Variants in SLC25A37 observed in about 807,000 individuals in gnomAD.
The protein encoded by SLC25A37 is solute carrier family 25 member 37.
SLC25A37 carries 17 observed loss-of-function variants against 31.0 expected under a neutral mutation model. The ratio of observed to expected loss-of-function variants is 0.55; its 90% confidence interval spans 0.38 to 0.82. SLC25A37 has a LOEUF of 0.82. SLC25A37 is among the 40% of genes least tolerant of loss of function. SLC25A37 has a pLI of 0.00. For synonymous variants in SLC25A37, 222 were observed against 193.0 expected (o/e 1.15, Z -1.24); for missense variants, 404 against 465.8 (o/e 0.87, Z 1.22).
intron 1 of SLC25A37, among the ~76,000 whole-genome samples, chr8:23,538,118 C>T (rs1211799840): frequency 6.6e-6 from 1 of 151,060 alleles, no homozygotes; most frequent in Non-Finnish European, 1.5e-5. Context: ...TGGTGGCTCA[C>T]ACCTATAATC....
Position 23,566,773 on chromosome 8 carries a change from A to G in SLC25A37, c.439+437A>G, listed in dbSNP as rs951433989. The G allele has an allele frequency of 3.1e-5, 31 of 991,362 alleles. No homozygotes were observed. The African/African-American group carries it at 5.2e-4, about 17-fold the overall frequency. 61.4% of individuals were successfully genotyped at this position (991,362 alleles called of 1,614,324 possible). A position where few individuals can be genotyped will look rare whatever the true frequency, so the allele number is the denominator to read the frequency against. On this transcript the variant is annotated intron_variant, in intron 2 of 3. Coordinates refer to ENST00000519973, the MANE Select transcript of SLC25A37 (RefSeq NM_016612.4). ...TTGAGACTATTTAAAAACTGGTACA[A>G]CAGGTCTCTACAACGCCAAGATCTA...
At chr8:23,534,630 C>A (rs929526834) in intron 1 of SLC25A37, among the ~76,000 whole-genome samples, 1 of 152,184 alleles carries the variant, frequency 6.6e-6, no homozygotes, top group South Asian at 2.1e-4. Flanking sequence ...GGAGCATGGA[C>A]CCTTGAGTCC....
chr8:23,565,985 C>T (rs559835038), intron 1 of SLC25A37, 123 bp from the exon 2 acceptor site: 31 of 1,347,396 alleles, frequency 2.3e-5, no homozygotes, highest in Admixed American at 1.7e-4. Flanking sequence ...GTTTCCTTCC[C>T]AGAGAAATCC....
intron 1 of SLC25A37, 40 bp from the exon 2 acceptor site, chr8:23,566,068 A>T (rs771327312): frequency 6.5e-7 from 1 of 1,538,268 alleles, no homozygotes; most frequent in Non-Finnish European, 8.7e-7. Flanking sequence ...ATCCTGATTA[A>T]CTCTATTTTT....
At chr8:23,531,013 C>G (rs566258899) in intron 1 of SLC25A37, among the ~76,000 whole-genome samples, 1 of 152,292 alleles carries the variant, frequency 6.6e-6, no homozygotes, top group East Asian at 1.9e-4. Flanking sequence ...GCAGTTTTCA[C>G]CTGTGGACAG....
Position 23,529,537 on chromosome 8 carries a change from G to C in SLC25A37, c.210+325G>C, listed in dbSNP as rs1157078082. Among the ~76,000 whole-genome samples, 1 of 152,118 alleles carries C rather than the reference G, an allele frequency of 6.6e-6. No individual in the cohort carries two copies. The highest frequency in any genetic ancestry group is 1.5e-5 in the Non-Finnish European group (1 of 67,996). ...GGCGGCGACTGGGCTCCCGGGGGAC[G>C]CGATCGCTGAAGCTCTGCACAGTCT... On this transcript the variant is annotated intron_variant, in intron 1 of 3. Coordinates refer to ENST00000519973, the MANE Select transcript of SLC25A37 (RefSeq NM_016612.4). This position sits in a 1 kb window ranked among gnomAD's most constrained non-coding sequence, Gnocchi z 4.1.
intron 1 of SLC25A37, among the ~76,000 whole-genome samples, chr8:23,558,812 C>A (rs529837065): frequency 6.6e-6 from 1 of 152,256 alleles, no homozygotes; most frequent in South Asian, 2.1e-4. Context: ...GTTTCTCCAT[C>A]CTGCAGGCAG....
intron 1 of SLC25A37, among the ~76,000 whole-genome samples, chr8:23,540,819 TC>T (rs1049962392): frequency 3.9e-5 from 6 of 152,122 alleles, no homozygotes; most frequent in African/African-American, 1.4e-4. Flanking sequence ...CCATCCTGCC[TC>T]CCCTGGCAGG....
chr8:23,536,541 T>C (rs577874150), intron 1 of SLC25A37, among the ~76,000 whole-genome samples: 1 of 152,174 alleles, frequency 6.6e-6, no homozygotes, highest in South Asian at 2.1e-4. Context: ...TTCCACCTCA[T>C]TTTCCCCAGC....
intron 1 of SLC25A37, among the ~76,000 whole-genome samples, chr8:23,553,488 T>A (rs1232703189): frequency 6.6e-6 from 1 of 152,122 alleles, no homozygotes; most frequent in African/African-American, 2.4e-5. Flanking sequence ...TCTTCCTTAC[T>A]TATGAGTGGG....
chr8:23,537,912 C>G (rs1451461945), intron 1 of SLC25A37, among the ~76,000 whole-genome samples: 1 of 152,168 alleles, frequency 6.6e-6, no homozygotes, highest in Non-Finnish European at 1.5e-5. Context: ...GTTTGCCTTG[C>G]ATGTAAAGCC....
intron 1 of SLC25A37, chr8:23,531,537 A>G (rs1801660974): frequency 6.6e-6 from 1 of 152,240 alleles, no homozygotes; most frequent in Admixed American, 6.5e-5. Flanking sequence ...TGAAATATCA[A>G]AAGAATTATT....
intron 1 of SLC25A37, among the ~76,000 whole-genome samples, chr8:23,532,076 G>A (rs1313017645): frequency 6.6e-6 from 1 of 152,152 alleles, no homozygotes. Flanking sequence ...AAACAAATAT[G>A]AAAACCACTG....
chr8:23,573,973 G>A lies in SLC25A37; in HGVS notation c.*2118G>A. 2.7e-5 allele frequency: 9 copies of A among 338,910 alleles called. No homozygotes were observed. Among genetic ancestry groups the A allele is most frequent in the South Asian group, 4.2e-5 (2 of 47,118 alleles). 21.0% of individuals were successfully genotyped at this position (338,910 alleles called of 1,614,324 possible). On this transcript the variant is annotated 3_prime_UTR_variant, in exon 4 of 4. Coordinates refer to ENST00000519973, the MANE Select transcript of SLC25A37 (RefSeq NM_016612.4). ...TGGTGTTAAATTCTGCAAATGGAGG[G>A]GAAAAAAATCAAATTCTAAATTTCA...
At chr8:23,548,458 G>C (rs970730901) in intron 1 of SLC25A37, among the ~76,000 whole-genome samples, 2 of 147,176 alleles carry the variant, frequency 1.4e-5, no homozygotes, top group African/African-American at 2.5e-5. Context: ...GATTACAGGC[G>C]TGAGCCACCA....
intron 1 of SLC25A37, among the ~76,000 whole-genome samples, chr8:23,560,835 G>C (rs2117442678): frequency 6.6e-6 from 1 of 152,326 alleles, no homozygotes; most frequent in Middle Eastern, 3.4e-3. Flanking sequence ...AGTTATAGTA[G>C]GATCTGTGTT....
intron 1 of SLC25A37, among the ~76,000 whole-genome samples, chr8:23,563,538 A>G (rs1347618523): frequency 1.3e-5 from 2 of 152,228 alleles, no homozygotes; most frequent in Non-Finnish European, 2.9e-5. Flanking sequence ...AAGACTTAAA[A>G]TTGAAATCAC....
intron 1 of SLC25A37, among the ~76,000 whole-genome samples, chr8:23,552,269 C>G (rs1415357842): frequency 6.6e-6 from 1 of 152,244 alleles, no homozygotes; most frequent in African/African-American, 2.4e-5. Context: ...TGAGTACCTA[C>G]TGTACTCCAC....
chr8:23,552,726 T>A (rs1398828806), intron 1 of SLC25A37, among the ~76,000 whole-genome samples: 1 of 152,180 alleles, frequency 6.6e-6, no homozygotes, highest in Non-Finnish European at 1.5e-5. Context: ...GAACGCAGTT[T>A]CTTTGAGATT....
Sources: gnomAD v4.1 joint callset for allele counts (sites outside exome capture counted in the v4.1 genomes callset) on GRCh38, gnomAD v4.1.1 for gene constraint, Gnocchi (gnomAD v3.1) non-coding constraint, MANE v1.5 for transcripts, NCBI Gene and HGNC (gene_info 2026-07-23, HGNC 2026-07-21) for gene names.